Variants in DRC11 observed in about 807,000 individuals in gnomAD.
DRC11 encodes the protein IQ and AAA domain-containing protein 1.
the DRC11 span, among the ~76,000 whole-genome samples, chr2:236,443,477 T>G: frequency 6.6e-6 from 1 of 152,226 alleles, no homozygotes; most frequent in Non-Finnish European, 1.5e-5. The surrounding 1 kb of genome is among the most constrained non-coding windows in gnomAD (Gnocchi z 4.4). Flanking sequence ...AGTGAGAACA[T>G]GCAGTGTTTG....
At chr2:236,401,279 C>A in the DRC11 span, among the ~76,000 whole-genome samples, 1 of 152,102 alleles carries the variant, frequency 6.6e-6, no homozygotes, top group Non-Finnish European at 1.5e-5. This position sits in a 1 kb window ranked among gnomAD's most constrained non-coding sequence, Gnocchi z 4.6. Flanking sequence ...CTGTCCTGTC[C>A]GCTTGGAAGG....
chr2:236,459,658 T>C, the DRC11 span, among the ~76,000 whole-genome samples: 8 of 117,376 alleles, frequency 6.8e-5, no homozygotes, highest in South Asian at 1.7e-3. Flanking sequence ...TATATGTATA[T>C]ACATACGTAT....
At chr2:236,377,382 C>T in the DRC11 span, among the ~76,000 whole-genome samples, 2 of 152,226 alleles carry the variant, frequency 1.3e-5, no homozygotes, top group Admixed American at 6.5e-5. This position sits in a 1 kb window ranked among gnomAD's most constrained non-coding sequence, Gnocchi z 4.9. Flanking sequence ...TACTTTCACT[C>T]ATCCATGTGT....
chr2:236,331,165 T>G, the DRC11 span, among the ~76,000 whole-genome samples: 2 of 152,204 alleles, frequency 1.3e-5, no homozygotes, highest in Non-Finnish European at 2.9e-5. The surrounding 1 kb of genome is among the most constrained non-coding windows in gnomAD (Gnocchi z 4.8). Context: ...CCACACACCA[T>G]GGTTTTCCTA....
At chr2:236,452,757 G>C in the DRC11 span, among the ~76,000 whole-genome samples, 1 of 152,182 alleles carries the variant, frequency 6.6e-6, no homozygotes, top group Non-Finnish European at 1.5e-5. This position sits in a 1 kb window ranked among gnomAD's most constrained non-coding sequence, Gnocchi z 4.7. Flanking sequence ...TATCACTCAA[G>C]ACCGAAGTGT....
At chr2:236,504,616 T>C in the DRC11 span, among the ~76,000 whole-genome samples, 19 of 152,178 alleles carry the variant, frequency 1.2e-4, no homozygotes, top group Non-Finnish European at 2.5e-4. The surrounding 1 kb of genome is among the most constrained non-coding windows in gnomAD (Gnocchi z 5.0). Flanking sequence ...CTCCAGGGAC[T>C]ACTGTGGGAT....
At chr2:236,442,215 T>C in the DRC11 span, among the ~76,000 whole-genome samples, 15 of 152,334 alleles carry the variant, frequency 9.8e-5, no homozygotes, top group Non-Finnish European at 1.6e-4. Flanking sequence ...GGATAATAAA[T>C]ATATTTTCCA....
At chr2:236,478,070 A>C in the DRC11 span, among the ~76,000 whole-genome samples, 1 of 148,224 alleles carries the variant, frequency 6.7e-6, no homozygotes, top group Admixed American at 6.7e-5. This position sits in a 1 kb window ranked among gnomAD's most constrained non-coding sequence, Gnocchi z 5.9. Flanking sequence ...TCTGATCTTT[A>C]TTTCTTTCCT....
chr2:236,344,588 A>T, the DRC11 span: 1 of 1,613,696 alleles, frequency 6.2e-7, no homozygotes, highest in Non-Finnish European at 8.5e-7. Flanking sequence ...TTTTTTGTAG[A>T]AGGTTTTTTC....
the DRC11 span, among the ~76,000 whole-genome samples, chr2:236,336,424 C>T: frequency 2.7e-4 from 16 of 58,462 alleles, no homozygotes; most frequent in Admixed American, 2.2e-3. The surrounding 1 kb of genome is among the most constrained non-coding windows in gnomAD (Gnocchi z 7.3). Flanking sequence ...ACCACCACCA[C>T]CACTGCCACC....
the DRC11 span, chr2:236,488,028 G>A: frequency 1.9e-6 from 3 of 1,601,280 alleles, no homozygotes; most frequent in Middle Eastern, 3.3e-4. Context: ...AGCAGCCCAG[G>A]TATCTGTCAC....
the DRC11 span, among the ~76,000 whole-genome samples, chr2:236,459,518 C>T: frequency 6.0e-3 from 558 of 92,266 alleles, 6 homozygotes; most frequent in Non-Finnish European, 8.9e-3. Context: ...TATACGTATA[C>T]ATGTATACAT....
At chr2:236,447,945 G>A in the DRC11 span, among the ~76,000 whole-genome samples, 2 of 152,152 alleles carry the variant, frequency 1.3e-5, no homozygotes, top group Non-Finnish European at 2.9e-5. The surrounding 1 kb of genome is among the most constrained non-coding windows in gnomAD (Gnocchi z 4.6). Flanking sequence ...TGTCAACTTT[G>A]TAAATCAGCA....
At chr2:236,507,149 G>C in the DRC11 span, 1 of 1,143,312 alleles carries the variant, frequency 8.7e-7, no homozygotes, top group Non-Finnish European at 1.3e-6. Flanking sequence ...GAAGTTGAGA[G>C]GGGAGGAGAA....
chr2:236,498,528 C>T, the DRC11 span, among the ~76,000 whole-genome samples: 1 of 151,530 alleles, frequency 6.6e-6, no homozygotes, highest in Non-Finnish European at 1.5e-5. Context: ...CTCTGGAATG[C>T]ACCAGCTGGG....
At chr2:236,336,820 G>C in the DRC11 span, among the ~76,000 whole-genome samples, 8 of 152,310 alleles carry the variant, frequency 5.3e-5, no homozygotes, top group East Asian at 1.5e-3. This position sits in a 1 kb window ranked among gnomAD's most constrained non-coding sequence, Gnocchi z 7.3. Context: ...AGCCACCCCT[G>C]TGCATTCACA....
At chr2:236,465,745 A>C in the DRC11 span, 2 of 1,353,334 alleles carry the variant, frequency 1.5e-6, no homozygotes, top group Non-Finnish European at 2.1e-6. The surrounding 1 kb of genome is among the most constrained non-coding windows in gnomAD (Gnocchi z 6.2). Context: ...GTTTGAGGTC[A>C]TAAAAGTTAC....
the DRC11 span, among the ~76,000 whole-genome samples, chr2:236,419,976 C>T: frequency 6.6e-6 from 1 of 152,188 alleles, no homozygotes; most frequent in African/African-American, 2.4e-5. The surrounding 1 kb of genome is among the most constrained non-coding windows in gnomAD (Gnocchi z 4.8). Flanking sequence ...GACACGCTTC[C>T]TGTTTGGCCC....
At chr2:236,309,952 G>A in the DRC11 span, among the ~76,000 whole-genome samples, 2 of 152,232 alleles carry the variant, frequency 1.3e-5, no homozygotes, top group African/African-American at 4.8e-5. This position sits in a 1 kb window ranked among gnomAD's most constrained non-coding sequence, Gnocchi z 5.7. Flanking sequence ...TTGGTGAGAA[G>A]AGCTGGTGCC....
Sources: allele counts gnomAD v4.1 joint callset (sites outside exome capture counted in the v4.1 genomes callset), GRCh38; gene constraint gnomAD v4.1.1; non-coding constraint Gnocchi (gnomAD v3.1); transcripts MANE v1.5; gene names NCBI Gene and HGNC (gene_info 2026-07-23, HGNC 2026-07-21).